DLG2: variants seen among roughly 807,000 people sequenced by gnomAD.
DLG2 encodes the protein discs large MAGUK scaffold protein 2.
A neutral mutation model predicts 132.5 loss-of-function variants in DLG2; 45 were observed. The observed-to-expected ratio is 0.34, with a 90% CI of 0.27 to 0.44. DLG2 has a LOEUF of 0.44. DLG2 is among the 20% of genes least tolerant of loss of function. DLG2 has a pLI of 1.00. For missense variants in DLG2, 1,045 were observed against 1,196.9 expected, an observed-to-expected ratio of 0.87 and a Z score of 1.87; for synonymous variants, 424 against 419.6, an observed-to-expected ratio of 1.01 and a Z score of -0.13.
chr11:84,242,934 A>G (rs947521646), intron 8 of DLG2, among the ~76,000 whole-genome samples: 2 of 151,942 alleles, frequency 1.3e-5, no homozygotes, highest in Non-Finnish European at 2.9e-5. Flanking sequence ...CAACTTAAAA[A>G]AGGAGGAAAT....
chr11:85,585,715 GTT>G (rs200477698), intron 3 of DLG2, among the ~76,000 whole-genome samples: 1 of 144,292 alleles, frequency 6.9e-6, no homozygotes, highest in South Asian at 2.2e-4. Context: ...ATATATCACA[GTT>G]TTTTTTTTTT....
At chr11:84,414,933 T>G (rs928498452) in intron 7 of DLG2, among the ~76,000 whole-genome samples, 1 of 152,190 alleles carries the variant, frequency 6.6e-6, no homozygotes, top group Non-Finnish European at 1.5e-5. Context: ...ATAAAGCTGT[T>G]TGGGGAACAG....
At chr11:85,383,229 C>A (rs943815904) in intron 3 of DLG2, among the ~76,000 whole-genome samples, 24 of 152,074 alleles carry the variant, frequency 1.6e-4, no homozygotes, top group African/African-American at 5.8e-4. Flanking sequence ...TCATAAAAGG[C>A]TACATGTTGT....
chr11:85,597,497 C>G (rs1270848401), intron 3 of DLG2, among the ~76,000 whole-genome samples: 3 of 151,946 alleles, frequency 2.0e-5, no homozygotes, highest in East Asian at 1.9e-4. Context: ...AAGATGATTA[C>G]AGTTATGTCA....
At chr11:83,946,689 C>A (rs1406427765) in intron 14 of DLG2, among the ~76,000 whole-genome samples, 1 of 151,958 alleles carries the variant, frequency 6.6e-6, no homozygotes, top group East Asian at 1.9e-4. Flanking sequence ...GTTCTTTTTT[C>A]AAGGGAAGAC....
At chr11:84,043,341 G>T (rs2096147404) in intron 11 of DLG2, among the ~76,000 whole-genome samples, 1 of 151,558 alleles carries the variant, frequency 6.6e-6, no homozygotes, top group Non-Finnish European at 1.5e-5. Flanking sequence ...TTTTGATGAA[G>T]GGCATATTTT....
intron 4 of DLG2, among the ~76,000 whole-genome samples, chr11:85,206,386 G>C (rs575336797): frequency 6.6e-6 from 1 of 152,232 alleles, no homozygotes; most frequent in South Asian, 2.1e-4. Context: ...AGATAGACCT[G>C]GGTTGGAATT....
In DLG2 at chr11:83,540,245, G is replaced by T. The variant is rs115690587; in HGVS notation, c.2117+1437C>A. Among the ~76,000 whole-genome samples, 531 of 152,266 alleles carry T rather than the reference G, an allele frequency of 3.5e-3. 3 individuals are homozygous for T. The highest frequency in any genetic ancestry group is 0.012 in the African/African-American group (517 of 41,566). On this transcript the variant is annotated intron_variant, in intron 20 of 27. Transcript: ENST00000376104. ...ACGTTGTCTTGACATTTTATTTGAA[G>T]TAAATGGAAATGGAGAGACCCGGAA...
chr11:84,544,986 C>G (rs1026612583), intron 6 of DLG2: 4 of 366,048 alleles, frequency 1.1e-5, no homozygotes, highest in Non-Finnish European at 2.1e-5. Context: ...TTTGTCCATA[C>G]ACATGAGTAT....
chr11:84,263,605 C>T (rs1374506732), intron 7 of DLG2, among the ~76,000 whole-genome samples: 3 of 152,108 alleles, frequency 2.0e-5, no homozygotes, highest in African/African-American at 7.2e-5. Flanking sequence ...TTACCAAGCT[C>T]TTTCTTCCAT....
At chr11:85,038,084 A>T (rs1164177732) in intron 6 of DLG2, among the ~76,000 whole-genome samples, 2 of 152,072 alleles carry the variant, frequency 1.3e-5, no homozygotes, top group Non-Finnish European at 2.9e-5. Context: ...TAGAGCCTGC[A>T]TATGAATGAC....
intron 7 of DLG2, among the ~76,000 whole-genome samples, chr11:84,420,569 C>T (rs1228304287): frequency 6.7e-6 from 1 of 150,024 alleles, no homozygotes. Context: ...GAGGGTGCTT[C>T]CAACCAATCA....
Position 84,845,147 on chromosome 11 carries a change from G to C in DLG2, c.357+266514C>G, listed in dbSNP as rs147921669. Reference sequence around the variant, plus strand: ...AACTGTGTGACAGAATATCTCAGGAGACAAGGGTTGGTTTAGTAAAAAGAA... The same window carrying C: ...AACTGTGTGACAGAATATCTCAGGACACAAGGGTTGGTTTAGTAAAAAGAA... On this transcript the variant is annotated intron_variant, in intron 6 of 27. Coordinates refer to ENST00000376104, the MANE Select transcript of DLG2 (RefSeq NM_001142699.3). Among the ~76,000 whole-genome samples the C allele has an allele frequency of 8.5e-5, 13 of 152,212 alleles. No homozygotes were observed. In the East Asian group the frequency reaches 2.5e-3, roughly 29 times the overall value.
chr11:85,133,106 G>A, intron 5 of DLG2: 1 of 302,504 alleles, frequency 3.3e-6, no homozygotes, highest in Non-Finnish European at 6.6e-6. Flanking sequence ...TCCTGTGAGT[G>A]CCCCGCACAG....
intron 6 of DLG2, among the ~76,000 whole-genome samples, chr11:85,063,804 G>T (rs189316482): frequency 6.6e-6 from 1 of 151,712 alleles, no homozygotes; most frequent in East Asian, 1.9e-4. Flanking sequence ...AGTACTTGTG[G>T]GATAATTTAT....
chr11:83,769,868 C>T (rs2094312516), intron 18 of DLG2, among the ~76,000 whole-genome samples: 1 of 152,022 alleles, frequency 6.6e-6, no homozygotes, highest in South Asian at 2.1e-4. Flanking sequence ...CCCCGCCTAC[C>T]TTGTTCTTTG....
intron 6 of DLG2, among the ~76,000 whole-genome samples, chr11:84,904,975 G>C (rs754141325): frequency 1.3e-5 from 2 of 152,112 alleles, no homozygotes; most frequent in Non-Finnish European, 2.9e-5. Context: ...CCAGGCTAGA[G>C]TGCAGTGGTG....
chr11:85,021,425 C>A, intron 6 of DLG2: 2 of 1,396,498 alleles, frequency 1.4e-6, no homozygotes, highest in Non-Finnish European at 2.0e-6. Flanking sequence ...AAAACCTGGT[C>A]AGCAATCATT....
intron 6 of DLG2, among the ~76,000 whole-genome samples, chr11:84,592,229 G>A (rs1468363431): frequency 2.0e-5 from 3 of 152,106 alleles, no homozygotes; most frequent in Non-Finnish European, 4.4e-5. Context: ...TAATTTAAGG[G>A]TTCAATTACT....
Sources: gnomAD v4.1 joint callset for allele counts (sites outside exome capture counted in the v4.1 genomes callset) on GRCh38, gnomAD v4.1.1 for gene constraint, MANE v1.5 for transcripts, NCBI Gene and HGNC (gene_info 2026-07-23, HGNC 2026-07-21) for gene names.